ALPK1: variants seen among roughly 807,000 people sequenced by gnomAD.
ALPK1 encodes alpha kinase 1.
A neutral mutation model predicts 120.6 loss-of-function variants in ALPK1; 110 were observed. The observed-to-expected ratio is 0.91, with a 90% CI of 0.78 to 1.07. The LOEUF is 1.07. Among genes scored for constraint, ALPK1 ranks in the 50% least tolerant of loss-of-function variants. The probability of loss-of-function intolerance (pLI) is 0.00; values close to 1 mark genes in which losing one functional copy is unlikely to be tolerated. For missense variants in ALPK1, 1,498 were observed against 1,483.9 expected (o/e 1.01, Z -0.16); for synonymous variants, 582 against 560.3 (o/e 1.04, Z -0.55).
intron 2 of ALPK1, among the ~76,000 whole-genome samples, chr4:112,332,433 T>C (rs1729424972): frequency 6.6e-6 from 1 of 152,222 alleles, no homozygotes; most frequent in Non-Finnish European, 1.5e-5. Context: ...TTTTATGGAA[T>C]TTTTCTCTTA....
intron 4 of ALPK1, among the ~76,000 whole-genome samples, chr4:112,385,250 G>A (rs998041724): frequency 2.0e-5 from 3 of 152,176 alleles, no homozygotes; most frequent in Non-Finnish European, 4.4e-5. Context: ...AATGTGAGTT[G>A]GGAGAGAAGC....
At chr4:112,304,520 A>T (rs891661051) in intron 1 of ALPK1, among the ~76,000 whole-genome samples, 1 of 151,978 alleles carries the variant, frequency 6.6e-6, no homozygotes, top group Non-Finnish European at 1.5e-5. Context: ...GCATTTTTTC[A>T]TGTGTCTGTT....
chr4:112,384,111 C>A (rs1311055322), intron 4 of ALPK1: 1 of 152,154 alleles, frequency 6.6e-6, no homozygotes, highest in Non-Finnish European at 1.5e-5. Flanking sequence ...CCATTATCAT[C>A]CCTCTTTTGA....
intron 2 of ALPK1, among the ~76,000 whole-genome samples, chr4:112,371,288 A>G (rs570699680): frequency 6.6e-6 from 1 of 152,256 alleles, no homozygotes; most frequent in Admixed American, 6.5e-5. Flanking sequence ...ATTTTTTCCA[A>G]ATGCACATCT....
chr4:112,324,973 AAG>A (rs1491331314), intron 2 of ALPK1, among the ~76,000 whole-genome samples: 8 of 107,570 alleles, frequency 7.4e-5, no homozygotes, highest in Admixed American at 2.8e-4. Flanking sequence ...AACCAAAAAA[AAG>A]GGGGGGGGGG....
intron 2 of ALPK1, among the ~76,000 whole-genome samples, chr4:112,354,817 T>G (rs1730529681): frequency 6.6e-6 from 1 of 152,222 alleles, no homozygotes; most frequent in South Asian, 2.1e-4. Context: ...CATTTAATTA[T>G]ATACTAATTT....
At chr4:112,309,134 C>T (rs532128555) in intron 1 of ALPK1, among the ~76,000 whole-genome samples, 3 of 152,218 alleles carry the variant, frequency 2.0e-5, no homozygotes, top group Admixed American at 6.5e-5. Flanking sequence ...GGTACCTGGC[C>T]GTGTGAGGTG....
At chr4:112,346,724 T>C (rs1028065230) in intron 2 of ALPK1, among the ~76,000 whole-genome samples, 1 of 152,246 alleles carries the variant, frequency 6.6e-6, no homozygotes, top group Non-Finnish European at 1.5e-5. Flanking sequence ...TAAGACAAAT[T>C]GCTGTGTGAA....
In ALPK1 at chr4:112,430,564, G is replaced by C; in HGVS notation, c.1017G>C (p.Lys339Asn). The change falls in exon 11 of 16, where the codon AAG (lysine) becomes AAC (asparagine). Residue 339 changes from lysine to asparagine, a missense_variant. Physicochemically the swap from Lys to Asn is moderately conservative, Grantham distance 94. Coordinates refer to ENST00000650871, the MANE Select transcript of ALPK1 (RefSeq NM_025144.4). ...CCTTTGAGATTGGCCTCCTCACCAAGAGAGATGATGAGCCTGTTACTGGAA... is the reference window on the plus strand; with the variant it reads ...CCTTTGAGATTGGCCTCCTCACCAACAGAGATGATGAGCCTGTTACTGGAA... ...KEAFEIGLLT[K>N]RDDEPVTGKQ... The C allele has an allele frequency of 6.2e-7, 1 of 1,614,164 alleles. No individual in the cohort carries two copies. Among genetic ancestry groups the C allele is most frequent in the Non-Finnish European group, 8.5e-7 (1 of 1,180,014 alleles).
At chr4:112,322,774 G>A (rs2110547223) in intron 2 of ALPK1, among the ~76,000 whole-genome samples, 1 of 152,206 alleles carries the variant, frequency 6.6e-6, no homozygotes, top group Non-Finnish European at 1.5e-5. Context: ...TAGGACTCAA[G>A]AACGAATTAA....
chr4:112,333,183 C>T (rs2148701964), intron 2 of ALPK1, among the ~76,000 whole-genome samples: 1 of 152,342 alleles, frequency 6.6e-6, no homozygotes, highest in East Asian at 1.9e-4. Flanking sequence ...TCAAACCATT[C>T]TGATTACTGA....
Position 112,431,977 on chromosome 4 carries a change from G to T in ALPK1, c.2430G>T (p.Leu810=). The part of the protein sequence containing the change: ...LDFHRVLHNS[L]GNISMLPCSS... ...TTCACAGGGTCCTGCACAATTCTCT[G>T]GGAAACATTTCCATGCTGCCATGTA... The change falls in exon 11 of 16, where the codon CTG becomes CTT. Residue 810 remains leucine, a synonymous_variant. Coordinates refer to ENST00000650871, the MANE Select transcript of ALPK1 (RefSeq NM_025144.4). 2 of 1,614,082 alleles carry T rather than the reference G, an allele frequency of 1.2e-6. No homozygotes were observed. The highest frequency in any genetic ancestry group is 1.7e-6 in the Non-Finnish European group (2 of 1,180,022).
chr4:112,351,063 T>C (rs1395237060), intron 2 of ALPK1, among the ~76,000 whole-genome samples: 1 of 152,202 alleles, frequency 6.6e-6, no homozygotes, highest in Non-Finnish European at 1.5e-5. Context: ...CTTCCAGCTA[T>C]GTGGGCCAGG....
At chr4:112,317,666 C>CT (rs916944980) in intron 2 of ALPK1, among the ~76,000 whole-genome samples, 6 of 151,968 alleles carry the variant, frequency 3.9e-5, no homozygotes, top group South Asian at 2.1e-4. Flanking sequence ...TCCAATTTTC[C>CT]TTTTTTTCAA....
intron 5 of ALPK1, 175 bp from the exon 6 acceptor site, chr4:112,423,769 C>T (rs1989926): frequency 0.46 from 339,683 of 730,534 alleles, 80,898 homozygotes; most frequent in East Asian, 0.7. Flanking sequence ...AAAACTTCAT[C>T]TTTCTTTTCA....
At chr4:112,412,274 A>C (rs2148749680) in intron 5 of ALPK1, 1 of 632,282 alleles carries the variant, frequency 1.6e-6, no homozygotes. Flanking sequence ...GGAAAATACT[A>C]ATTGGAGCTT....
At chr4:112,333,810 A>G (rs887760318) in intron 2 of ALPK1, among the ~76,000 whole-genome samples, 3 of 152,154 alleles carry the variant, frequency 2.0e-5, no homozygotes, top group Admixed American at 2.0e-4. Context: ...TAACTTGGTT[A>G]GACTCTCCTT....
At chr4:112,393,734 G>A (rs1732527206) in intron 4 of ALPK1, among the ~76,000 whole-genome samples, 1 of 152,160 alleles carries the variant, frequency 6.6e-6, no homozygotes, top group Admixed American at 6.5e-5. Flanking sequence ...CAATGGAGAG[G>A]CTAAAGTCAT....
At position 112,431,734 on chromosome 4, in the gene ALPK1, C is replaced by G; in HGVS notation, c.2187C>G (p.Pro729=). 2 of 1,614,180 alleles carry G rather than the reference C, an allele frequency of 1.2e-6. No individual in the cohort carries two copies. The highest frequency in any genetic ancestry group is 1.1e-5 in the South Asian group (1 of 91,088). ...SASWSSDSGR[P]KNMGTHPSVQ... ...CTTGGTCTTCTGATTCTGGTAGGCC[C>G]AAGAATATGGGCACACATCCTTCAG... The change falls in exon 11 of 16, where the codon CCC becomes CCG. Residue 729 remains proline (P), a synonymous_variant. Coordinates refer to ENST00000650871, the MANE Select transcript of ALPK1 (RefSeq NM_025144.4).
Sources: allele counts gnomAD v4.1 joint callset (sites outside exome capture counted in the v4.1 genomes callset), GRCh38; gene constraint gnomAD v4.1.1; transcripts MANE v1.5; gene names NCBI Gene and HGNC (gene_info 2026-07-23, HGNC 2026-07-21).